The following ATP6V1E1 variants were observed in gnomAD, a reference collection of about 807,000 sequenced individuals.
ATP6V1E1 encodes the protein V-type proton ATPase subunit E 1.
A neutral mutation model predicts 35.2 loss-of-function variants in ATP6V1E1; 21 were observed. That is an observed-to-expected ratio of 0.60 (90% CI 0.42 to 0.86). The LOEUF is 0.86. Among genes scored for constraint, ATP6V1E1 ranks in the 40% least tolerant of loss-of-function variants. ATP6V1E1 has a pLI of 0.00. For missense variants in ATP6V1E1, 183 were observed against 272.6 expected, an observed-to-expected ratio of 0.67 and a Z score of 2.32; for synonymous variants, 83 against 87.8, an observed-to-expected ratio of 0.95 and a Z score of 0.30.
intron 5 of ATP6V1E1, 194 bp downstream of exon 5, chr22:17,600,898 A>G: frequency 5.0e-6 from 2 of 401,016 alleles, no homozygotes; most frequent in Non-Finnish European, 8.9e-6. Flanking sequence ...AGACAGATTT[A>G]CTATTTTCCT....
At chr22:17,603,455 G>A (rs1168472571) in intron 4 of ATP6V1E1, among the ~76,000 whole-genome samples, 1 of 152,056 alleles carries the variant, frequency 6.6e-6, no homozygotes, top group Non-Finnish European at 1.5e-5. Flanking sequence ...GTTTGAGGCT[G>A]TCGTGAATGA....
At chr22:17,598,654 T>C (rs2057745596) in intron 6 of ATP6V1E1, among the ~76,000 whole-genome samples, 1 of 152,200 alleles carries the variant, frequency 6.6e-6, no homozygotes, top group Non-Finnish European at 1.5e-5. Flanking sequence ...GTTTGGCTGC[T>C]GGCATGAGCT....
At chr22:17,620,441 A>C (rs1391100414) in intron 1 of ATP6V1E1, among the ~76,000 whole-genome samples, 1 of 151,490 alleles carries the variant, frequency 6.6e-6, no homozygotes, top group Non-Finnish European at 1.5e-5. Context: ...GCCACCGCGC[A>C]CGGCGAGCAA....
chr22:17,596,537 G>C (rs960238005), intron 7 of ATP6V1E1, among the ~76,000 whole-genome samples: 3 of 151,988 alleles, frequency 2.0e-5, no homozygotes, highest in Non-Finnish European at 4.4e-5. Flanking sequence ...AGATGCAGCT[G>C]TCCAATCTTG....
chr22:17,621,413 C>T (rs147420127), intron 1 of ATP6V1E1, among the ~76,000 whole-genome samples: 25 of 152,202 alleles, frequency 1.6e-4, no homozygotes, highest in African/African-American at 2.6e-4. Flanking sequence ...ACAGCTCAAG[C>T]GATCCCCCCG....
At chr22:17,625,072 A>T (rs1226587179) in intron 1 of ATP6V1E1, among the ~76,000 whole-genome samples, 1 of 152,252 alleles carries the variant, frequency 6.6e-6, no homozygotes. Flanking sequence ...AAAAAGGTTT[A>T]AAAAAACCCT....
At chr22:17,608,960 T>C (rs1479591137) in intron 4 of ATP6V1E1, among the ~76,000 whole-genome samples, 2 of 151,236 alleles carry the variant, frequency 1.3e-5, no homozygotes, top group Admixed American at 6.6e-5. Flanking sequence ...GTGGCGGGCG[T>C]CTGTAGTCCC....
chr22:17,608,664 G>A (rs58146058), intron 4 of ATP6V1E1, among the ~76,000 whole-genome samples: 1,561 of 152,300 alleles, frequency 0.01, 32 homozygotes, highest in East Asian at 0.049. Flanking sequence ...TTGGCCTCAA[G>A]CCACACTCCC....
intron 2 of ATP6V1E1, 61 bp downstream of exon 2, chr22:17,619,400 T>TAGCAA: frequency 7.0e-7 from 1 of 1,436,796 alleles, no homozygotes; most frequent in Non-Finnish European, 9.6e-7. Flanking sequence ...CAATATTATT[T>TAGCAA]AGCAAAGCAA....
At chr22:17,597,284 T>G (rs2146295734) in intron 7 of ATP6V1E1, among the ~76,000 whole-genome samples, 1 of 151,238 alleles carries the variant, frequency 6.6e-6, no homozygotes, top group Non-Finnish European at 1.5e-5. Flanking sequence ...TCTTCAATGT[T>G]AGTCAGTAGT....
intron 2 of ATP6V1E1, among the ~76,000 whole-genome samples, chr22:17,613,695 C>T (rs909136743): frequency 6.6e-6 from 1 of 152,220 alleles, no homozygotes; most frequent in East Asian, 1.9e-4. Flanking sequence ...TGGCCGGGTG[C>T]GGTGGCTCAC....
At chr22:17,604,692 T>A (rs9605328) in intron 4 of ATP6V1E1, among the ~76,000 whole-genome samples, 52,605 of 151,514 alleles carry the variant, frequency 0.35, 9,471 homozygotes, top group African/African-American at 0.41. Context: ...CTAATTTTTT[T>A]ATTTTTAGTA....
intron 1 of ATP6V1E1, among the ~76,000 whole-genome samples, chr22:17,621,378 C>T (rs569342481): frequency 1.1e-4 from 17 of 152,268 alleles, no homozygotes; most frequent in African/African-American, 3.6e-4. Context: ...GGCACAATCC[C>T]GCCTCATTTT....
intron 1 of ATP6V1E1, among the ~76,000 whole-genome samples, chr22:17,619,981 ACT>A (rs2057867376): frequency 6.6e-6 from 1 of 151,888 alleles, no homozygotes; most frequent in South Asian, 2.1e-4. Flanking sequence ...ATCTATACTT[ACT>A]CTTTCAACTT....
chr22:17,626,369 G>T (rs1322942332), intron 1 of ATP6V1E1, among the ~76,000 whole-genome samples: 124 of 149,054 alleles, frequency 8.3e-4, no homozygotes, highest in African/African-American at 2.9e-3. Flanking sequence ...ACACAATTTT[G>T]TTTATTTATT....
intron 6 of ATP6V1E1, among the ~76,000 whole-genome samples, chr22:17,598,699 G>A (rs2146297078): frequency 6.6e-6 from 1 of 152,258 alleles, no homozygotes; most frequent in African/African-American, 2.4e-5. Context: ...GGAGACAGCA[G>A]GCACCAGAAA....
In ATP6V1E1 at chr22:17,594,607, T is replaced by C; in HGVS notation, c.540A>G (p.Gly180=). 1.3e-6 allele frequency: 2 copies of C among 1,556,414 alleles called. No homozygotes were observed. Among genetic ancestry groups the C allele is most frequent in the East Asian group, 2.3e-5 (1 of 44,024 alleles). ...TACGATCTCCATTATAGATCTCAAC[T>C]CCACCAGCTCTGCAAAAAAAAAAGC... is the stretch of plus-strand genomic sequence containing the variant. ...ESYLPEDIAG[G]VEIYNGDRKI... The change falls in exon 8 of 9, where the codon GGA becomes GGG. Residue 180 remains glycine (G), a synonymous_variant. Transcript: ENST00000253413.
intron 4 of ATP6V1E1, 138 bp from the exon 5 acceptor site, chr22:17,601,319 G>A: frequency 1.5e-6 from 1 of 656,518 alleles, no homozygotes; most frequent in African/African-American, 1.8e-5. Flanking sequence ...CATTCCCTGA[G>A]ATCTGAGATA....
chr22:17,608,322 A>T (rs1254422092), intron 4 of ATP6V1E1, among the ~76,000 whole-genome samples: 1 of 152,254 alleles, frequency 6.6e-6, no homozygotes, highest in Non-Finnish European at 1.5e-5. Context: ...ACAAACTCAG[A>T]GTGACTAAAT....
Sources: gnomAD v4.1 joint callset for allele counts (sites outside exome capture counted in the v4.1 genomes callset) on GRCh38, gnomAD v4.1.1 for gene constraint, MANE v1.5 for transcripts, NCBI Gene and HGNC (gene_info 2026-07-23, HGNC 2026-07-21) for gene names.